CNTNAP2: variants seen among roughly 807,000 people sequenced by gnomAD.
CNTNAP2 encodes contactin-associated protein-like 2.
A neutral mutation model predicts 155.2 loss-of-function variants in CNTNAP2; 98 were observed. The ratio of observed to expected loss-of-function variants is 0.63; its 90% CI spans 0.54 to 0.75. The LOEUF (loss-of-function observed/expected upper bound fraction) is 0.75, where lower values mean the gene tolerates loss of function less well. Ranked by LOEUF, CNTNAP2 falls within the 30% of genes least tolerant of loss-of-function variation. The probability of loss-of-function intolerance (pLI) is 0.00; values close to 1 mark genes in which losing one functional copy is unlikely to be tolerated. For missense variants in CNTNAP2, 1,727 were observed against 1,688.1 expected, an observed-to-expected ratio of 1.02 and a Z score of -0.40; for synonymous variants, 651 against 631.2, an observed-to-expected ratio of 1.03 and a Z score of -0.47.
At chr7:146,173,187 G>A (rs1167059293) in intron 1 of CNTNAP2, among the ~76,000 whole-genome samples, 2 of 151,952 alleles carry the variant, frequency 1.3e-5, no homozygotes, top group Admixed American at 1.3e-4. Flanking sequence ...TTTATATTTA[G>A]TTTTAATTTT....
chr7:146,200,058 GAAT>G (rs1258560946), intron 1 of CNTNAP2, among the ~76,000 whole-genome samples: 3 of 152,098 alleles, frequency 2.0e-5, no homozygotes, highest in African/African-American at 7.2e-5. Flanking sequence ...TGAAGAAGTA[GAAT>G]CTGTCTAAAA....
At chr7:147,778,760 C>G (rs1797624030) in intron 13 of CNTNAP2, among the ~76,000 whole-genome samples, 1 of 152,188 alleles carries the variant, frequency 6.6e-6, no homozygotes, top group Non-Finnish European at 1.5e-5. Context: ...ATCTGCCTGC[C>G]TTGGTCTCCC....
chr7:146,971,381 A>C lies in CNTNAP2; in HGVS notation c.403-72526A>C, dbSNP rs60922244. ...AGGCTTTCTTTTGAGGAAAAAATAA[A>C]AAGGCACTATATTTGTTCTCAAACA... is the stretch of plus-strand genomic sequence containing the variant. On this transcript the variant is annotated intron_variant, in intron 3 of 23. Coordinates refer to ENST00000361727, the MANE Select transcript of CNTNAP2 (RefSeq NM_014141.6). 2.7e-3 allele frequency among the ~76,000 whole-genome samples: 416 copies of C among 152,272 alleles called. 1 individual carries two copies. The highest frequency in any genetic ancestry group is 9.6e-3 in the African/African-American group (397 of 41,562).
intron 4 of CNTNAP2, among the ~76,000 whole-genome samples, chr7:147,080,120 G>A (rs1563068779): frequency 2.0e-5 from 3 of 150,156 alleles, no homozygotes; most frequent in Non-Finnish European, 4.4e-5. Context: ...GGTGACTGAT[G>A]TCATAACCAG....
intron 13 of CNTNAP2, among the ~76,000 whole-genome samples, chr7:147,706,117 C>A (rs1429907905): frequency 1.4e-5 from 2 of 147,732 alleles, no homozygotes. Context: ...TTTGTAATGT[C>A]TTTTGATTCT....
At position 147,493,575 on chromosome 7, in the gene CNTNAP2, G is replaced by A. The variant is rs113754627; in HGVS notation, c.1777+7534G>A. On this transcript the variant is annotated intron_variant, in intron 11 of 23. Transcript: ENST00000361727. ...ACTGGAGTGTGAAGTAGAGAGGGCA[G>A]GAATACTAGGATGTAGCCCCCTCCA... Among the ~76,000 whole-genome samples the A allele has an allele frequency of 3.9e-5, 6 of 152,178 alleles. 1 individual carries two copies. Among genetic ancestry groups the A allele is most frequent in the African/African-American group, 1.4e-4 (6 of 41,512 alleles).
At chr7:146,744,396 C>T (rs1317702902) in intron 1 of CNTNAP2, among the ~76,000 whole-genome samples, 1 of 152,092 alleles carries the variant, frequency 6.6e-6, no homozygotes, top group Non-Finnish European at 1.5e-5. Context: ...TATTCTTATG[C>T]TGATTATTCT....
intron 20 of CNTNAP2, among the ~76,000 whole-genome samples, chr7:148,262,137 A>G (rs1427482245): frequency 6.6e-6 from 1 of 152,106 alleles, no homozygotes; most frequent in African/African-American, 2.4e-5. Flanking sequence ...AATCAGGCTT[A>G]TGGTGGGGAG....
chr7:146,952,452 A>C (rs1424266396), intron 3 of CNTNAP2, among the ~76,000 whole-genome samples: 1 of 152,162 alleles, frequency 6.6e-6, no homozygotes, highest in Non-Finnish European at 1.5e-5. Context: ...GGAAAGAAAT[A>C]AAATGTATTC....
intron 1 of CNTNAP2, among the ~76,000 whole-genome samples, chr7:146,705,802 A>G (rs1800954980): frequency 6.6e-6 from 1 of 152,098 alleles, no homozygotes; most frequent in South Asian, 2.1e-4. Flanking sequence ...TGATTCAATT[A>G]TCTCCACCTG....
Position 146,400,400 on chromosome 7 carries a change from A to G in CNTNAP2, c.97+283427A>G, listed in dbSNP as rs568953190. ...AAATATATCCAGGTGGAGTAACTAG[A>G]CAGGCATGAGGACTTGATGGAAAAG... is the stretch of plus-strand genomic sequence containing the variant. On this transcript the variant is annotated intron_variant, in intron 1 of 23. Transcript: ENST00000361727. Among the ~76,000 whole-genome samples the G allele has an allele frequency of 3.9e-5, 6 of 152,320 alleles. No homozygotes were observed. In the South Asian group the frequency reaches 1.2e-3, roughly 32 times the overall value.
At chr7:147,059,743 C>A (rs908422116) in intron 4 of CNTNAP2, among the ~76,000 whole-genome samples, 3 of 151,996 alleles carry the variant, frequency 2.0e-5, no homozygotes, top group African/African-American at 7.3e-5. Flanking sequence ...GGTAATTATT[C>A]CCCCATTTTG....
chr7:148,405,227 G>A (rs1429463377), intron 22 of CNTNAP2, among the ~76,000 whole-genome samples: 1 of 152,100 alleles, frequency 6.6e-6, no homozygotes, highest in Non-Finnish European at 1.5e-5. Context: ...GAGAAATCCA[G>A]CTCAAGGGAG....
rs543323964 is a variant in CNTNAP2, at chr7:147,490,601, C to T, written c.1777+4560C>T. Among the ~76,000 whole-genome samples, 477 of 152,236 alleles carry T rather than the reference C, an allele frequency of 3.1e-3. 1 individual carries two copies. The highest frequency in any genetic ancestry group is 4.6e-3 in the South Asian group (22 of 4,816). On this transcript the variant is annotated intron_variant, in intron 11 of 23. Transcript: ENST00000361727. ...GCATAAAGACCTAGATTTATTGGCA[C>T]GAAGAAACTTGGTGTCTCTGTCCAT...
chr7:146,681,926 T>C (rs1238372297), intron 1 of CNTNAP2, among the ~76,000 whole-genome samples: 1 of 152,120 alleles, frequency 6.6e-6, no homozygotes, highest in East Asian at 1.9e-4. Flanking sequence ...GTATTCCACA[T>C]AGTATTTCAG....
chr7:146,691,001 A>G (rs543223973), intron 1 of CNTNAP2, among the ~76,000 whole-genome samples: 2 of 152,278 alleles, frequency 1.3e-5, no homozygotes, highest in Admixed American at 6.5e-5. Flanking sequence ...ATTCTGGAAA[A>G]TAAACAAGGT....
intron 13 of CNTNAP2, among the ~76,000 whole-genome samples, chr7:147,839,260 A>G (rs1242878663): frequency 6.6e-6 from 1 of 152,160 alleles, no homozygotes; most frequent in Non-Finnish European, 1.5e-5. Flanking sequence ...CTTTGGCAGC[A>G]CCCTCACAGA....
chr7:147,622,126 C>T (rs75510933), intron 12 of CNTNAP2, among the ~76,000 whole-genome samples: 10,698 of 151,650 alleles, frequency 0.071, 1,029 homozygotes, highest in African/African-American at 0.19. Flanking sequence ...TGGAGTACCG[C>T]GATATATAAA....
chr7:148,343,613 T>C (rs893087531), intron 21 of CNTNAP2, among the ~76,000 whole-genome samples: 1 of 152,220 alleles, frequency 6.6e-6, no homozygotes, highest in African/African-American at 2.4e-5. Flanking sequence ...TGATCAGTAA[T>C]TGTCAGGAGA....
Sources: gnomAD v4.1 joint callset for allele counts (sites outside exome capture counted in the v4.1 genomes callset) on GRCh38, gnomAD v4.1.1 for gene constraint, MANE v1.5 for transcripts, NCBI Gene and HGNC (gene_info 2026-07-23, HGNC 2026-07-21) for gene names.